The following ZBTB1 variants were observed in gnomAD, a reference collection of about 807,000 sequenced individuals.
ZBTB1 encodes the protein zinc finger and BTB domain-containing protein 1.
In ZBTB1, 13 loss-of-function variants were observed where a neutral mutation model predicts 51.6. The ratio of observed to expected loss-of-function variants is 0.25; its 90% CI spans 0.16 to 0.40. The LOEUF is 0.40. Ranked by LOEUF, ZBTB1 falls within the 10% of genes least tolerant of loss-of-function variation. The pLI is 1.00. For synonymous variants in ZBTB1, 240 were observed against 282.2 expected (o/e 0.85, Z 1.50); for missense variants, 567 against 856.5 (o/e 0.66, Z 4.22).
In ZBTB1 at chr14:64,524,234, T is replaced by A. The variant is rs2140178800; in HGVS notation, c.*588T>A. ...CTCAAACTTGGCCTAAAAAGATTGA[T>A]GAACCTGAGGAAATTTTTATAAATG... On this transcript the variant is annotated 3_prime_UTR_variant, in exon 2 of 2. Transcript: ENST00000683701. The A allele has an allele frequency of 2.0e-6, 2 of 984,448 alleles. No homozygotes were observed. The highest frequency in any genetic ancestry group is 1.7e-5 in the African/African-American group (1 of 57,318). 61.0% of individuals were successfully genotyped at this position (984,448 alleles called of 1,614,324 possible). A position where few individuals can be genotyped will look rare whatever the true frequency, so the allele number is the denominator to read the frequency against.
intron 1 of ZBTB1, among the ~76,000 whole-genome samples, chr14:64,520,854 G>A (rs2079852714): frequency 2.0e-5 from 3 of 150,540 alleles, no homozygotes; most frequent in Non-Finnish European, 1.5e-5. Flanking sequence ...TCCTTCAAGA[G>A]TTGTTTTCTT....
At chr14:64,511,315 C>T (rs186271341) in intron 1 of ZBTB1, 8 of 148,822 alleles carry the variant, frequency 5.4e-5, no homozygotes, top group Admixed American at 2.7e-4. Context: ...TGTACTTTTC[C>T]TCCTCTGCTT....
intron 2 of ZBTB1, among the ~76,000 whole-genome samples, chr14:64,530,426 T>C (rs976324037): frequency 6.6e-6 from 1 of 152,038 alleles, no homozygotes; most frequent in African/African-American, 2.4e-5. Context: ...CTGGCTAACA[T>C]GATGAAACCT....
chr14:64,531,756 AG>A (rs1481944100), intron 2 of ZBTB1: 2 of 1,343,928 alleles, frequency 1.5e-6, no homozygotes, highest in African/African-American at 2.9e-5. Flanking sequence ...GTGTTGGCCT[AG>A]TGCCAAAGCC....
upstream of ZBTB1, chr14:64,504,456 A>T (rs1337611090): frequency 6.5e-6 from 1 of 154,334 alleles, no homozygotes; most frequent in African/African-American, 2.4e-5. Context: ...CCAGCTGTGC[A>T]AACAGGAGGA....
At chr14:64,533,646 C>T (rs1262929437) in exon 3 of ZBTB1, 1 of 152,038 alleles carries the variant, frequency 6.6e-6, no homozygotes, top group African/African-American at 2.4e-5. Flanking sequence ...TTTCTTAATC[C>T]ATTGTTTTTA....
At chr14:64,510,034 C>T (rs905673017) in intron 1 of ZBTB1, among the ~76,000 whole-genome samples, 2 of 151,998 alleles carry the variant, frequency 1.3e-5, no homozygotes, top group African/African-American at 4.8e-5. Context: ...TGGGTAATCC[C>T]TCCCATCATC....
intron 1 of ZBTB1, among the ~76,000 whole-genome samples, chr14:64,511,553 A>G (rs546436801): frequency 6.6e-6 from 1 of 152,198 alleles, no homozygotes; most frequent in African/African-American, 2.4e-5. Flanking sequence ...TTTACATCTT[A>G]TGAGCATTTC....
intron 1 of ZBTB1, among the ~76,000 whole-genome samples, chr14:64,506,688 A>G (rs1247117577): frequency 6.6e-6 from 1 of 152,212 alleles, no homozygotes; most frequent in Non-Finnish European, 1.5e-5. Context: ...CTCCATTAAT[A>G]CCACATTTTC....
chr14:64,530,745 A>C (rs2079936510), intron 2 of ZBTB1, among the ~76,000 whole-genome samples: 1 of 152,220 alleles, frequency 6.6e-6, no homozygotes, highest in Non-Finnish European at 1.5e-5. Context: ...CACTGAAGTC[A>C]ATTAGTAGTG....
intron 1 of ZBTB1, among the ~76,000 whole-genome samples, chr14:64,518,906 A>ATATATATATATATATG (rs2079826215): frequency 1.3e-5 from 1 of 79,286 alleles, no homozygotes; most frequent in African/African-American, 4.0e-5. Flanking sequence ...GCAGAGAGGT[A>ATATATATATATATATG]TATATATATA....
intron 1 of ZBTB1, among the ~76,000 whole-genome samples, chr14:64,518,697 AGAT>A: frequency 6.6e-6 from 1 of 152,122 alleles, no homozygotes; most frequent in African/African-American, 2.4e-5. Flanking sequence ...TTTAAGTAGA[AGAT>A]AGATTCTGAA....
rs764402479 is a variant in ZBTB1, at chr14:64,524,638, A to G, written c.*992A>G. On this transcript the variant is annotated 3_prime_UTR_variant, in exon 2 of 2. Coordinates refer to ENST00000683701, the MANE Select transcript of ZBTB1 (RefSeq NM_001123329.2). The stretch of plus-strand genomic sequence containing the variant: ...ATAAATCTAATAAAATAAAGAGATC[A>G]ATTATAAACCTGGTTGTTCTATAAA... 2.3e-5 allele frequency: 23 copies of G among 983,446 alleles called. No individual in the cohort carries two copies. Among genetic ancestry groups the G allele is most frequent in the Non-Finnish European group, 2.8e-5 (23 of 828,136 alleles). 60.9% of individuals were successfully genotyped at this position (983,446 alleles called of 1,614,324 possible).
exon 3 of ZBTB1, chr14:64,532,511 A>G (rs2079949714): frequency 6.6e-6 from 1 of 152,162 alleles, no homozygotes; most frequent in Non-Finnish European, 1.5e-5. Context: ...TTTCCACTGT[A>G]TATGCCAGTC....
At chr14:64,510,022 A>G (rs1375792566) in intron 1 of ZBTB1, among the ~76,000 whole-genome samples, 2 of 152,066 alleles carry the variant, frequency 1.3e-5, no homozygotes, top group Non-Finnish European at 2.9e-5. Flanking sequence ...AAAGAAGGAA[A>G]CTGGGTAATC....
downstream of ZBTB1, among the ~76,000 whole-genome samples, chr14:64,529,439 G>C (rs1383706328): frequency 1.3e-5 from 2 of 152,128 alleles, no homozygotes. Flanking sequence ...AGAATAACCA[G>C]TTTCCTCTTT....
downstream of ZBTB1, among the ~76,000 whole-genome samples, chr14:64,529,077 C>T (rs930919294): frequency 9.2e-5 from 14 of 152,090 alleles, no homozygotes; most frequent in African/African-American, 2.9e-4. Context: ...AATGTGAAAA[C>T]GTGAGTGGAA....
chr14:64,513,652 GTTTATTTTTATT>G (rs1013580692), intron 1 of ZBTB1, among the ~76,000 whole-genome samples: 5 of 152,040 alleles, frequency 3.3e-5, no homozygotes, highest in Admixed American at 6.6e-5. Flanking sequence ...ATTCAATATA[GTTTATTTTTATT>G]TTTATTTTTA....
At chr14:64,532,054 G>C in exon 3 of ZBTB1, 1 of 772,846 alleles carries the variant, frequency 1.3e-6, no homozygotes, top group Admixed American at 3.2e-5. Flanking sequence ...AAAGATCCAA[G>C]AAAACTCAGT....
Sources: gnomAD v4.1 joint callset for allele counts (sites outside exome capture counted in the v4.1 genomes callset) on GRCh38, gnomAD v4.1.1 for gene constraint, MANE v1.5 for transcripts, NCBI Gene and HGNC (gene_info 2026-07-23, HGNC 2026-07-21) for gene names.